CSMD1: variants seen among roughly 807,000 people sequenced by gnomAD.
CSMD1 encodes the protein CUB and Sushi multiple domains 1, also known as CUB and sushi domain-containing protein 1.
A neutral mutation model predicts 417.5 loss-of-function variants in CSMD1; 213 were observed. The ratio of observed to expected loss-of-function variants is 0.51; its 90% CI spans 0.46 to 0.57. CSMD1 has a LOEUF of 0.57. Ranked by LOEUF, CSMD1 falls within the 20% of genes least tolerant of loss-of-function variation. The pLI is 0.00. For synonymous variants in CSMD1, 2,862 were observed against 1,736.8 expected (o/e 1.65, Z -16.11); for missense variants, 6,923 against 4,529.7 (o/e 1.53, Z -15.17).
chr8:3,963,046 C>T (rs1460995698), intron 5 of CSMD1, among the ~76,000 whole-genome samples: 1 of 152,090 alleles, frequency 6.6e-6, no homozygotes. Flanking sequence ...AAGCAATTCT[C>T]CTGCCTCAGG....
chr8:3,603,532 T>G (rs1031325167), intron 8 of CSMD1, among the ~76,000 whole-genome samples: 1 of 152,096 alleles, frequency 6.6e-6, no homozygotes, highest in African/African-American at 2.4e-5. Context: ...CTTACAGAAA[T>G]GAACACTGGT....
chr8:2,957,577 A>C, intron 63 of CSMD1, 119 bp downstream of exon 63: 1 of 716,400 alleles, frequency 1.4e-6, no homozygotes, highest in Non-Finnish European at 2.3e-6. Flanking sequence ...AGGACATCCG[A>C]AAATTTAGGA....
chr8:3,508,141 A>C (rs1029129967), intron 10 of CSMD1, among the ~76,000 whole-genome samples: 1 of 152,164 alleles, frequency 6.6e-6, no homozygotes, highest in South Asian at 2.1e-4. Flanking sequence ...ACCAAACACC[A>C]CATGTTCTCA....
chr8:3,200,829 A>T (rs1796953089), intron 32 of CSMD1, among the ~76,000 whole-genome samples: 1 of 152,180 alleles, frequency 6.6e-6, no homozygotes, highest in African/African-American at 2.4e-5. Context: ...TGGAAATATA[A>T]TCAAATCTGA....
intron 3 of CSMD1, among the ~76,000 whole-genome samples, chr8:4,361,614 C>G (rs1382160408): frequency 2.0e-5 from 3 of 152,166 alleles, no homozygotes; most frequent in African/African-American, 2.4e-5. Context: ...ACTCCCAACT[C>G]TCTGCTTTGC....
intron 5 of CSMD1, among the ~76,000 whole-genome samples, chr8:3,843,727 G>A (rs745398256): frequency 6.6e-6 from 1 of 152,142 alleles, no homozygotes; most frequent in Admixed American, 6.5e-5. Context: ...ACTGAAAGGA[G>A]GTGGCTGGTC....
rs1212194872 is a variant in CSMD1, at chr8:4,634,411, G to C, written c.302+2931C>G. ...AAAATATTACAGTGGTTATGTGAAA[G>C]AAATTTATTGATACTAAAAATGCTC... On this transcript the variant is annotated intron_variant, in intron 2 of 69. Coordinates refer to ENST00000635120, the MANE Select transcript of CSMD1 (RefSeq NM_033225.6). Among the ~76,000 whole-genome samples, 4 of 152,248 alleles carry C rather than the reference G, an allele frequency of 2.6e-5. No individual in the cohort carries two copies. In the South Asian group the frequency reaches 8.3e-4, roughly 32 times the overall value.
intron 3 of CSMD1, among the ~76,000 whole-genome samples, chr8:4,150,359 C>A (rs1229087192): frequency 1.3e-5 from 2 of 152,222 alleles, no homozygotes; most frequent in Non-Finnish European, 2.9e-5. Flanking sequence ...AACTCAGTGT[C>A]TGCAGCTGTC....
intron 5 of CSMD1, among the ~76,000 whole-genome samples, chr8:3,843,536 G>C (rs186070521): frequency 6.6e-6 from 1 of 151,146 alleles, no homozygotes; most frequent in South Asian, 2.1e-4. Context: ...CTATATAAAA[G>C]TAAAAAAAAA....
chr8:3,259,720 C>G (rs979359008), intron 26 of CSMD1, among the ~76,000 whole-genome samples: 5 of 152,158 alleles, frequency 3.3e-5, no homozygotes, highest in Non-Finnish European at 5.9e-5. Flanking sequence ...TACTAAAGCA[C>G]TCACTGATTG....
intron 1 of CSMD1, among the ~76,000 whole-genome samples, chr8:4,652,348 G>C (rs1007848790): frequency 1.3e-5 from 2 of 151,434 alleles, no homozygotes; most frequent in South Asian, 2.1e-4. Context: ...CATCAGTGAA[G>C]GTCTTTTGAA....
chr8:4,638,986 G>A (rs1365605146), intron 1 of CSMD1, among the ~76,000 whole-genome samples: 1 of 152,174 alleles, frequency 6.6e-6, no homozygotes, highest in African/African-American at 2.4e-5. Flanking sequence ...CAGGCTTCCT[G>A]CAAGAACCAA....
At chr8:4,801,140 T>C (rs1798261086) in intron 1 of CSMD1, among the ~76,000 whole-genome samples, 1 of 152,230 alleles carries the variant, frequency 6.6e-6, no homozygotes, top group Non-Finnish European at 1.5e-5. Context: ...ACATTTTTTG[T>C]ATCTTACCTT....
chr8:4,101,842 T>A (rs1189562221), intron 3 of CSMD1, among the ~76,000 whole-genome samples: 1 of 152,206 alleles, frequency 6.6e-6, no homozygotes, highest in African/African-American at 2.4e-5. Context: ...ATCTCTGAAT[T>A]GAATCTGAAA....
chr8:3,176,612 C>T (rs1820951222), intron 37 of CSMD1, among the ~76,000 whole-genome samples: 1 of 152,128 alleles, frequency 6.6e-6, no homozygotes, highest in Admixed American at 6.5e-5. Flanking sequence ...ATGCAAAAAT[C>T]CCATCCACTT....
chr8:3,835,756 C>A (rs576988389), intron 5 of CSMD1, among the ~76,000 whole-genome samples: 4 of 151,962 alleles, frequency 2.6e-5, no homozygotes, highest in African/African-American at 9.6e-5. Flanking sequence ...TGGCTCCACC[C>A]TTAACCCCAC....
At chr8:3,594,168 A>T (rs909977700) in intron 8 of CSMD1, among the ~76,000 whole-genome samples, 8 of 152,130 alleles carry the variant, frequency 5.3e-5, no homozygotes, top group African/African-American at 1.9e-4. Flanking sequence ...CCCGACCTAC[A>T]GGGGTTTGGC....
chr8:4,151,387 T>C (rs1425610182), intron 3 of CSMD1, among the ~76,000 whole-genome samples: 1 of 152,208 alleles, frequency 6.6e-6, no homozygotes, highest in Admixed American at 6.5e-5. Flanking sequence ...TAGATCCTGC[T>C]GACCAAGAAA....
At chr8:4,673,460 G>A (rs1391309711) in intron 1 of CSMD1, among the ~76,000 whole-genome samples, 1 of 152,004 alleles carries the variant, frequency 6.6e-6, no homozygotes, top group Non-Finnish European at 1.5e-5. Context: ...TGATATCATT[G>A]GCCACATTAT....
Sources: gnomAD v4.1 joint callset for allele counts (sites outside exome capture counted in the v4.1 genomes callset) on GRCh38, gnomAD v4.1.1 for gene constraint, MANE v1.5 for transcripts, NCBI Gene and HGNC (gene_info 2026-07-23, HGNC 2026-07-21) for gene names.